EFCAB6: variants seen among roughly 807,000 people sequenced by gnomAD.
The protein encoded by EFCAB6 is EF-hand calcium-binding domain-containing protein 6.
EFCAB6 carries 156 observed loss-of-function variants against 169.8 expected under a neutral mutation model. The ratio of observed to expected loss-of-function variants is 0.92; its 90% CI spans 0.81 to 1.05. The LOEUF is 1.05. EFCAB6 is among the 50% of genes least tolerant of loss of function. The probability of loss-of-function intolerance (pLI) is 0.00; values close to 1 mark genes in which losing one functional copy is unlikely to be tolerated. For synonymous variants in EFCAB6, 698 were observed against 676.4 expected (o/e 1.03, Z -0.50); for missense variants, 1,800 against 1,829.1 (o/e 0.98, Z 0.29).
At chr22:43,629,267 C>T (rs1452551127) in intron 19 of EFCAB6, among the ~76,000 whole-genome samples, 6 of 152,180 alleles carry the variant, frequency 3.9e-5, no homozygotes, top group East Asian at 3.8e-4. Context: ...AATGTTAGTG[C>T]GTAGTACAGA....
intron 8 of EFCAB6, among the ~76,000 whole-genome samples, chr22:43,721,613 T>C (rs191780238): frequency 6.4e-4 from 98 of 152,262 alleles, no homozygotes; most frequent in Non-Finnish European, 1.3e-3. Context: ...ATCCGATCTT[T>C]GACAAGGCAG....
At chr22:43,557,711 T>A (rs1162147431) in intron 26 of EFCAB6, among the ~76,000 whole-genome samples, 1 of 152,062 alleles carries the variant, frequency 6.6e-6, no homozygotes, top group Admixed American at 6.5e-5. Context: ...AGAAAACATG[T>A]CAAAAGAAAA....
At chr22:43,634,491 G>C (rs2055228887) in intron 18 of EFCAB6, among the ~76,000 whole-genome samples, 1 of 152,158 alleles carries the variant, frequency 6.6e-6, no homozygotes, top group Non-Finnish European at 1.5e-5. Context: ...CTGCCAGCCT[G>C]CAGGGTATGT....
At chr22:43,745,074 G>C (rs193053717) in intron 6 of EFCAB6, among the ~76,000 whole-genome samples, 64 of 152,360 alleles carry the variant, frequency 4.2e-4, no homozygotes, top group African/African-American at 1.4e-3. Flanking sequence ...TGAGAGCTAA[G>C]AAATCAAACT....
intron 23 of EFCAB6, among the ~76,000 whole-genome samples, chr22:43,598,326 A>AAAAAAC (rs2052210805): frequency 2.0e-5 from 3 of 148,552 alleles, no homozygotes; most frequent in South Asian, 2.1e-4. Context: ...AAAAAAAAAA[A>AAAAAAC]AAAAAAAAAA....
At chr22:43,683,518 G>A in intron 12 of EFCAB6, 1 of 520,224 alleles carries the variant, frequency 1.9e-6, no homozygotes, top group South Asian at 2.4e-5. Flanking sequence ...CTATGTTACT[G>A]TATTGCAATT....
At chr22:43,730,352 A>C (rs908453002) in intron 8 of EFCAB6, among the ~76,000 whole-genome samples, 4 of 148,858 alleles carry the variant, frequency 2.7e-5, no homozygotes, top group Admixed American at 2.0e-4. Context: ...ATCATCCATA[A>C]GAGAAAAAAT....
At chr22:43,678,937 G>T (rs184386030) in intron 12 of EFCAB6, among the ~76,000 whole-genome samples, 2 of 152,162 alleles carry the variant, frequency 1.3e-5, no homozygotes, top group African/African-American at 2.4e-5. Flanking sequence ...AAGAATATAA[G>T]GTTCTCTTGA....
At chr22:43,755,711 T>A in intron 6 of EFCAB6, 55 bp downstream of exon 6, 1 of 1,482,158 alleles carries the variant, frequency 6.7e-7, no homozygotes, top group Non-Finnish European at 9.1e-7. Flanking sequence ...CACTAACAAT[T>A]ACTGCTGACA....
chr22:43,760,388 T>C (rs2061120966), intron 5 of EFCAB6, among the ~76,000 whole-genome samples: 1 of 152,234 alleles, frequency 6.6e-6, no homozygotes, highest in East Asian at 1.9e-4. Flanking sequence ...AAGTCAATTC[T>C]GTTTTTCTTC....
chr22:43,773,103 G>A lies in EFCAB6; in HGVS notation c.140C>T (p.Thr47Ile), dbSNP rs976209625. The A allele has an allele frequency of 1.2e-6, 2 of 1,613,888 alleles. No individual in the cohort carries two copies. The highest frequency in any genetic ancestry group is 1.7e-6 in the Non-Finnish European group (2 of 1,179,820). The change falls in exon 4 of 32, where the codon ACC becomes ATC. Residue 47 changes from threonine (T) to isoleucine (I), a missense_variant and splice_region_variant. Transcript: ENST00000262726. The stretch of plus-strand genomic sequence containing the variant: ...CAGTGTTGGATTTGCAACAGCTGTG[G>A]CTATAAAAGAGATACAGCTATTTAT... ...GSPNKFRSSS[T>I]TAVANPTLSS...
chr22:43,660,020 G>A (rs922623205), intron 17 of EFCAB6, among the ~76,000 whole-genome samples: 2 of 152,170 alleles, frequency 1.3e-5, no homozygotes, highest in Non-Finnish European at 2.9e-5. Flanking sequence ...GCAGCTCTGC[G>A]TCTGTCTCCA....
intron 3 of EFCAB6, among the ~76,000 whole-genome samples, chr22:43,777,241 G>A (rs1046399917): frequency 3.9e-5 from 6 of 152,188 alleles, no homozygotes; most frequent in African/African-American, 9.7e-5. Flanking sequence ...AGCCAGTTCC[G>A]GTCTGAGATG....
chr22:43,582,812 G>C (rs1237978293), intron 24 of EFCAB6, among the ~76,000 whole-genome samples: 1 of 152,124 alleles, frequency 6.6e-6, no homozygotes, highest in Non-Finnish European at 1.5e-5. Context: ...CAAAAATATT[G>C]AACGTTATCT....
chr22:43,801,590 G>A (rs1246029748), intron 2 of EFCAB6, among the ~76,000 whole-genome samples: 2 of 152,208 alleles, frequency 1.3e-5, no homozygotes, highest in East Asian at 1.9e-4. Flanking sequence ...ATGTGGAACA[G>A]ATAGAATTAG....
At chr22:43,796,025 T>C (rs1184353986) in intron 2 of EFCAB6, among the ~76,000 whole-genome samples, 1 of 126,018 alleles carries the variant, frequency 7.9e-6, no homozygotes. Flanking sequence ...ACAGACCACT[T>C]ACCCCCCACA....
chr22:43,796,116 CT>C (rs2062499521), intron 2 of EFCAB6, among the ~76,000 whole-genome samples: 1 of 152,100 alleles, frequency 6.6e-6, no homozygotes, highest in Non-Finnish European at 1.5e-5. Context: ...ATGAGTCTCT[CT>C]TTTTCCCACC....
chr22:43,793,397 C>T (rs2062381608), intron 2 of EFCAB6, among the ~76,000 whole-genome samples: 1 of 152,100 alleles, frequency 6.6e-6, no homozygotes, highest in South Asian at 2.1e-4. Context: ...AAAATGGAGC[C>T]TATTGGGTGT....
chr22:43,693,614 G>A (rs1020300293), intron 10 of EFCAB6, among the ~76,000 whole-genome samples: 6 of 150,460 alleles, frequency 4.0e-5, no homozygotes, highest in Non-Finnish European at 5.9e-5. Context: ...TAATAATAAC[G>A]TATCAATATT....
Sources: gnomAD v4.1 joint callset for allele counts (sites outside exome capture counted in the v4.1 genomes callset) on GRCh38, gnomAD v4.1.1 for gene constraint, MANE v1.5 for transcripts, NCBI Gene and HGNC (gene_info 2026-07-23, HGNC 2026-07-21) for gene names.